Variants in DNM3 observed in about 807,000 individuals in gnomAD.
The protein encoded by DNM3 is dynamin-3.
A neutral mutation model predicts 101.6 loss-of-function variants in DNM3; 47 were observed. That is an observed-to-expected ratio of 0.46 (90% CI 0.37 to 0.59). DNM3 has a LOEUF of 0.59. Ranked by LOEUF, DNM3 falls within the 20% of genes least tolerant of loss-of-function variation. The pLI, the probability that DNM3 is intolerant of heterozygous loss-of-function variation, is 0.00. For missense variants in DNM3, 849 were observed against 1,085.7 expected (o/e 0.78, Z 3.06); for synonymous variants, 385 against 387.9 (o/e 0.99, Z 0.09).
At chr1:171,875,811 C>CTTTTTTTTT (rs1432820415) in intron 1 of DNM3, among the ~76,000 whole-genome samples, 2 of 44,678 alleles carry the variant, frequency 4.5e-5, no homozygotes, top group African/African-American at 1.6e-4. Flanking sequence ...AGAGTTGTCT[C>CTTTTTTTTT]TCTTTTTTTT....
At chr1:172,300,754 A>ATATT (rs1189934447) in intron 15 of DNM3, among the ~76,000 whole-genome samples, 5 of 152,248 alleles carry the variant, frequency 3.3e-5, no homozygotes, top group Non-Finnish European at 5.9e-5. Flanking sequence ...GAGACCAATG[A>ATATT]GGAGGCTATT....
chr1:172,408,214 A>T lies in DNM3; in HGVS notation c.*373A>T. ...TCTTCAGATATGAGATAGTGGGCTT[A>T]GACCTAAGCCATACATATTTCTTTT... On this transcript the variant is annotated 3_prime_UTR_variant, in exon 21 of 21. Transcript: ENST00000627582. 9.7e-7 allele frequency: 1 copy of T among 1,033,590 alleles called. No homozygotes were observed. Among genetic ancestry groups the T allele is most frequent in the Middle Eastern group, 4.7e-4 (1 of 2,132 alleles). 64.0% of individuals were successfully genotyped at this position (1,033,590 alleles called of 1,614,324 possible).
chr1:172,276,742 C>T (rs1336474114), intron 15 of DNM3, among the ~76,000 whole-genome samples: 1 of 151,810 alleles, frequency 6.6e-6, no homozygotes, highest in Non-Finnish European at 1.5e-5. Context: ...AAATGGGGAA[C>T]CTCACTTCCA....
chr1:172,044,865 T>C (rs1190366171), intron 9 of DNM3, among the ~76,000 whole-genome samples: 1 of 152,206 alleles, frequency 6.6e-6, no homozygotes, highest in Non-Finnish European at 1.5e-5. Flanking sequence ...CTTTCAAGTT[T>C]ATCCTTTCCT....
chr1:172,189,330 A>G (rs2059625159), intron 14 of DNM3, among the ~76,000 whole-genome samples: 1 of 152,010 alleles, frequency 6.6e-6, no homozygotes. Flanking sequence ...TATGTTGGCT[A>G]TTCTGAGTCT....
At chr1:172,143,411 G>A (rs1197301941) in intron 14 of DNM3, among the ~76,000 whole-genome samples, 1 of 152,060 alleles carries the variant, frequency 6.6e-6, no homozygotes, top group Non-Finnish European at 1.5e-5. Context: ...TTAAGGGGCC[G>A]ACCTCTAAAG....
At chr1:172,013,884 C>CTGTAAAGTATGTA (rs1359450827) in intron 4 of DNM3, among the ~76,000 whole-genome samples, 8 of 152,044 alleles carry the variant, frequency 5.3e-5, no homozygotes, top group African/African-American at 1.9e-4. Context: ...TTATGTACCA[C>CTGTAAAGTATGTA]ATACTTTACA....
intron 1 of DNM3, among the ~76,000 whole-genome samples, chr1:171,867,357 A>G (rs77973542): frequency 0.023 from 3,474 of 152,290 alleles, 149 homozygotes; most frequent in African/African-American, 0.077. Context: ...TTCACTAAAA[A>G]TTTGTATTTT....
chr1:171,861,781 C>A (rs1206901153), intron 1 of DNM3, among the ~76,000 whole-genome samples: 2 of 151,984 alleles, frequency 1.3e-5, no homozygotes, highest in African/African-American at 4.8e-5. Context: ...TCAAGGGACA[C>A]TATTAAGGGT....
intron 2 of DNM3, among the ~76,000 whole-genome samples, chr1:171,926,676 A>C (rs1013104366): frequency 6.6e-6 from 1 of 152,000 alleles, no homozygotes; most frequent in Non-Finnish European, 1.5e-5. Context: ...ATTTTTTTTC[A>C]GGATTGTTTT....
intron 16 of DNM3, among the ~76,000 whole-genome samples, chr1:172,321,243 C>G (rs180856292): frequency 6.6e-6 from 1 of 152,266 alleles, no homozygotes; most frequent in Non-Finnish European, 1.5e-5. Context: ...TAGCCACAGA[C>G]CTGCATACAT....
intron 17 of DNM3, among the ~76,000 whole-genome samples, chr1:172,343,106 A>G (rs1159050480): frequency 2.6e-5 from 4 of 152,184 alleles, no homozygotes; most frequent in African/African-American, 7.2e-5. Context: ...AACCTCTAAG[A>G]CTAACCATAA....
intron 11 of DNM3, among the ~76,000 whole-genome samples, chr1:172,070,818 G>A (rs1204608505): frequency 6.6e-6 from 1 of 151,818 alleles, no homozygotes; most frequent in Non-Finnish European, 1.5e-5. Flanking sequence ...CAGGTGTAGT[G>A]GCTCACACCT....
intron 10 of DNM3, among the ~76,000 whole-genome samples, chr1:172,066,213 G>C (rs1212260092): frequency 6.7e-6 from 1 of 149,114 alleles, no homozygotes; most frequent in African/African-American, 2.6e-5. Flanking sequence ...GTGTGTGTGT[G>C]CATGTGTGTG....
At chr1:172,338,928 T>G (rs2066565243) in intron 17 of DNM3, 3 of 412,306 alleles carry the variant, frequency 7.3e-6, no homozygotes, top group Non-Finnish European at 1.4e-5. Context: ...TAGTTTTAGT[T>G]TTCTTTCTTT....
At chr1:172,266,079 G>A (rs537507042) in intron 15 of DNM3, among the ~76,000 whole-genome samples, 32 of 152,174 alleles carry the variant, frequency 2.1e-4, no homozygotes, top group African/African-American at 6.5e-4. Flanking sequence ...AAATAATGCC[G>A]CAATATAGTT....
At chr1:172,326,599 T>A (rs555857952) in intron 17 of DNM3, among the ~76,000 whole-genome samples, 1 of 152,290 alleles carries the variant, frequency 6.6e-6, no homozygotes, top group South Asian at 2.1e-4. Context: ...CCTTTTTGAA[T>A]GTGATGGCTT....
At chr1:172,116,473 C>A (rs541878808) in intron 13 of DNM3, among the ~76,000 whole-genome samples, 2 of 152,312 alleles carry the variant, frequency 1.3e-5, no homozygotes, top group South Asian at 2.1e-4. Context: ...TGGTGCGAAT[C>A]CAAAGCCAGT....
chr1:172,063,781 A>G (rs2051437924), intron 10 of DNM3, among the ~76,000 whole-genome samples: 1 of 151,280 alleles, frequency 6.6e-6, no homozygotes, highest in Admixed American at 6.6e-5. Flanking sequence ...TTGTCAAAAA[A>G]AAAAAAAAAA....
Sources: gnomAD v4.1 joint callset for allele counts (sites outside exome capture counted in the v4.1 genomes callset) on GRCh38, gnomAD v4.1.1 for gene constraint, MANE v1.5 for transcripts, NCBI Gene and HGNC (gene_info 2026-07-23, HGNC 2026-07-21) for gene names.